Variants in LPP observed in about 807,000 individuals in gnomAD.
LPP encodes lipoma-preferred partner.
LPP carries 38 observed loss-of-function variants against 60.4 expected under a neutral mutation model. The ratio of observed to expected loss-of-function variants is 0.63; its 90% CI spans 0.49 to 0.83. The LOEUF is 0.83. Ranked by LOEUF, LPP falls within the 40% of genes least tolerant of loss-of-function variation. The probability of loss-of-function intolerance (pLI) is 0.00; values close to 1 mark genes in which losing one functional copy is unlikely to be tolerated. For synonymous variants in LPP, 328 were observed against 290.8 expected, an observed-to-expected ratio of 1.13 and a Z score of -1.30; for missense variants, 902 against 783.6, an observed-to-expected ratio of 1.15 and a Z score of -1.80.
chr3:188,730,864 G>A (rs758902185), intron 8 of LPP, among the ~76,000 whole-genome samples: 1 of 152,146 alleles, frequency 6.6e-6, no homozygotes, highest in African/African-American at 2.4e-5. Context: ...TCCTTGACTT[G>A]TGGCCCTCTT....
At chr3:188,263,829 C>G (rs1734514699) in intron 2 of LPP, among the ~76,000 whole-genome samples, 2 of 152,200 alleles carry the variant, frequency 1.3e-5, no homozygotes, top group Non-Finnish European at 2.9e-5. Context: ...TCCTGCCTCC[C>G]TGTAGCTGTC....
intron 6 of LPP, among the ~76,000 whole-genome samples, chr3:188,594,243 G>A (rs555465838): frequency 2.6e-5 from 4 of 152,120 alleles, no homozygotes. Flanking sequence ...AAAGTATAAA[G>A]AATTATTTTT....
intron 4 of LPP, among the ~76,000 whole-genome samples, chr3:188,412,823 A>G (rs1216351550): frequency 2.0e-5 from 3 of 152,098 alleles, no homozygotes; most frequent in Non-Finnish European, 4.4e-5. Context: ...AGCCTGGATT[A>G]TTTTTTTATG....
intron 6 of LPP, among the ~76,000 whole-genome samples, chr3:188,536,381 A>G (rs1823633916): frequency 6.6e-6 from 1 of 152,124 alleles, no homozygotes; most frequent in Admixed American, 6.5e-5. Context: ...TCTAAGATTC[A>G]CCTCTTCCTT....
At chr3:188,820,221 A>G (rs948369678) in intron 9 of LPP, among the ~76,000 whole-genome samples, 1 of 152,018 alleles carries the variant, frequency 6.6e-6, no homozygotes, top group African/African-American at 2.4e-5. Flanking sequence ...CCCCTTTGGA[A>G]CTTCTTTACT....
intron 7 of LPP, among the ~76,000 whole-genome samples, chr3:188,638,945 GTAAT>G (rs2148719303): frequency 6.6e-6 from 1 of 152,214 alleles, no homozygotes; most frequent in South Asian, 2.1e-4. Flanking sequence ...ACTGCCCAAG[GTAAT>G]TTATAGATTC....
intron 6 of LPP, among the ~76,000 whole-genome samples, chr3:188,557,705 C>T (rs1829798417): frequency 6.6e-6 from 1 of 152,088 alleles, no homozygotes; most frequent in Non-Finnish European, 1.5e-5. Flanking sequence ...ACAAGAAGAA[C>T]ATGAGGGAAA....
At position 188,610,504 on chromosome 3, in the gene LPP, C is replaced by A. The variant is rs1043756942; in HGVS notation, c.1113+660C>A. 6.6e-6 allele frequency among the ~76,000 whole-genome samples: 1 copy of A among 152,182 alleles called. No homozygotes were observed. Among genetic ancestry groups the A allele is most frequent in the Admixed American group, 6.6e-5 (1 of 15,264 alleles). The stretch of plus-strand genomic sequence containing the variant: ...GCAGTATAATGCAGCTTGTTTGTGA[C>A]CCCTTGTTTATTCATTTTACTAATC... On this transcript the variant is annotated intron_variant, in intron 7 of 11. Transcript: ENST00000617246. The surrounding 1 kb of genome is among the most constrained non-coding windows in gnomAD (Gnocchi z 4.4).
intron 4 of LPP, among the ~76,000 whole-genome samples, chr3:188,413,681 C>T (rs1397550432): frequency 6.6e-6 from 1 of 152,144 alleles, no homozygotes; most frequent in Non-Finnish European, 1.5e-5. Flanking sequence ...CTGCATCTTT[C>T]AGCAGAGAAA....
intron 9 of LPP, among the ~76,000 whole-genome samples, chr3:188,795,709 C>T (rs1020788817): frequency 1.3e-5 from 2 of 152,072 alleles, no homozygotes; most frequent in African/African-American, 2.4e-5. Flanking sequence ...TCATCATCAT[C>T]GTCATCATCA....
At chr3:188,524,844 C>G in intron 6 of LPP, 57 bp downstream of exon 6, 6 of 1,544,512 alleles carry the variant, frequency 3.9e-6, no homozygotes, top group Non-Finnish European at 5.3e-6. Flanking sequence ...CTACTCTTAT[C>G]AGAAAGAACA....
At chr3:188,757,017 A>G (rs1227374893) in intron 8 of LPP, among the ~76,000 whole-genome samples, 1 of 152,228 alleles carries the variant, frequency 6.6e-6, no homozygotes, top group East Asian at 1.9e-4. Context: ...AGGGAAAACT[A>G]GAATGTCTTT....
chr3:188,352,393 A>G lies in LPP; in HGVS notation c.-10+10674A>G, dbSNP rs1272090296. 2.0e-5 allele frequency among the ~76,000 whole-genome samples: 3 copies of G among 151,992 alleles called. No homozygotes were observed. Among genetic ancestry groups the G allele is most frequent in the Non-Finnish European group, 4.4e-5 (3 of 68,020 alleles). On this transcript the variant is annotated intron_variant, in intron 3 of 11. Transcript: ENST00000617246. This position sits in a 1 kb window ranked among gnomAD's most constrained non-coding sequence, Gnocchi z 4.4. ...TCCTTGGGCTCTGTTTAGATCAGCT[A>G]TTTTCTGAAGGAGTCGCTGACCTTC...
chr3:188,621,113 A>T (rs900384241), intron 7 of LPP, among the ~76,000 whole-genome samples: 4 of 150,230 alleles, frequency 2.7e-5, no homozygotes, highest in African/African-American at 7.3e-5. Flanking sequence ...CAGAACTTAA[A>T]TTTTTTGAAA....
At chr3:188,163,576 G>A (rs535597256) in intron 1 of LPP, among the ~76,000 whole-genome samples, 1 of 152,162 alleles carries the variant, frequency 6.6e-6, no homozygotes, top group East Asian at 1.9e-4. Context: ...ATGTGCATAA[G>A]GCCAGGCATA....
chr3:188,335,403 C>A (rs1404547213), intron 2 of LPP, among the ~76,000 whole-genome samples: 1 of 152,100 alleles, frequency 6.6e-6, no homozygotes, highest in Non-Finnish European at 1.5e-5. Flanking sequence ...ATAGTAAATG[C>A]TCCTTTAAAT....
chr3:188,528,702 G>C (rs1396497732), intron 6 of LPP, among the ~76,000 whole-genome samples: 1 of 152,180 alleles, frequency 6.6e-6, no homozygotes, highest in African/African-American at 2.4e-5. Context: ...GACTCACCAA[G>C]AAGATTAATG....
chr3:188,416,043 C>T (rs1016882693), intron 4 of LPP, among the ~76,000 whole-genome samples: 1 of 151,904 alleles, frequency 6.6e-6, no homozygotes, highest in Non-Finnish European at 1.5e-5. Context: ...TTTAGGGAAC[C>T]TGGGTAAAAT....
At chr3:188,393,674 G>T (rs1780229826) in intron 3 of LPP, among the ~76,000 whole-genome samples, 1 of 152,126 alleles carries the variant, frequency 6.6e-6, no homozygotes, top group African/African-American at 2.4e-5. Context: ...TTTGAAATGT[G>T]AATTAAAACG....
Sources: gnomAD v4.1 joint callset for allele counts (sites outside exome capture counted in the v4.1 genomes callset) on GRCh38, gnomAD v4.1.1 for gene constraint, Gnocchi (gnomAD v3.1) non-coding constraint, MANE v1.5 for transcripts, NCBI Gene and HGNC (gene_info 2026-07-23, HGNC 2026-07-21) for gene names.